The following CCNF variants were observed in gnomAD, a reference collection of about 807,000 sequenced individuals.
CCNF encodes the protein cyclin F, also known as cyclin-F.
In CCNF, 30 loss-of-function variants were observed where a neutral mutation model predicts 85.4. That is an observed-to-expected ratio of 0.35 (90% CI 0.26 to 0.48). The LOEUF (loss-of-function observed/expected upper bound fraction) is 0.48, where lower values mean the gene tolerates loss of function less well. CCNF is among the 20% of genes least tolerant of loss of function. The pLI, the probability that CCNF is intolerant of heterozygous loss-of-function variation, is 0.99. For synonymous variants in CCNF, 439 were observed against 425.1 expected, an observed-to-expected ratio of 1.03 and a Z score of -0.40; for missense variants, 919 against 1,010.4, an observed-to-expected ratio of 0.91 and a Z score of 1.23.
At chr16:2,443,125 T>C (rs1218594926) in intron 8 of CCNF, among the ~76,000 whole-genome samples, 1 of 133,702 alleles carries the variant, frequency 7.5e-6, no homozygotes, top group Admixed American at 9.0e-5. Context: ...TTACATATTA[T>C]ATATTATATG....
rs772080724 is a variant in CCNF at position 2,438,075 on chromosome 16, C to A, written c.546C>A (p.His182Gln). 1.4e-5 allele frequency: 22 copies of A among 1,610,432 alleles called. No individual in the cohort carries two copies. The African/African-American group carries it at 1.6e-4, about 12-fold the overall frequency. The change falls in exon 6 of 17, where the codon CAC (histidine) becomes CAA (glutamine). Residue 182 changes from histidine (H) to glutamine (Q), a missense_variant. His to Gln is a conservative substitution (Grantham distance 24). This residue lies in a region of CCNF where 410 missense variants were observed against 478.6 expected (regional missense o/e 0.86). Coordinates refer to ENST00000397066, the MANE Select transcript of CCNF (RefSeq NM_001761.3). ...LRAECQLQRT[H>Q]KASILHCLGR... ...TCTTTCTCCTTTTTTTAAAGACTCA[C>A]AAAGCATCCATATTGCACTGCTTGG...
chr16:2,433,877 G>A (rs1490122218), intron 3 of CCNF, among the ~76,000 whole-genome samples: 1 of 152,224 alleles, frequency 6.6e-6, no homozygotes, highest in Non-Finnish European at 1.5e-5. Flanking sequence ...GTCCATCTGA[G>A]TTGCCAGAAA....
At chr16:2,447,455 A>T (rs1436062941) in intron 10 of CCNF, among the ~76,000 whole-genome samples, 1 of 151,976 alleles carries the variant, frequency 6.6e-6, no homozygotes, top group African/African-American at 2.4e-5. Context: ...GTGGTGGTGC[A>T]TGCCTGTAAT....
chr16:2,455,263 C>T (rs1335005908), intron 15 of CCNF, 132 bp from the exon 16 acceptor site: 2 of 1,223,064 alleles, frequency 1.6e-6, no homozygotes, highest in Non-Finnish European at 1.1e-6. Flanking sequence ...CCGGCATCTT[C>T]TTCGTAGCAG....
chr16:2,442,258 C>T (rs1435472941), intron 8 of CCNF, among the ~76,000 whole-genome samples: 41 of 141,532 alleles, frequency 2.9e-4, no homozygotes, highest in South Asian at 4.3e-4. Context: ...CTGCCCGCCT[C>T]GGCCTCCTAA....
intron 5 of CCNF, 72 bp from the exon 6 acceptor site, chr16:2,437,998 C>T: frequency 9.7e-7 from 1 of 1,029,170 alleles, no homozygotes; most frequent in Non-Finnish European, 1.5e-6. Context: ...GACCCAAAGA[C>T]AGACAAGGGA....
intron 15 of CCNF, among the ~76,000 whole-genome samples, chr16:2,455,025 A>T (rs1455691774): frequency 7.1e-6 from 1 of 141,528 alleles, no homozygotes; most frequent in Non-Finnish European, 1.5e-5. Flanking sequence ...ACACCACTGC[A>T]CTCTAGCCTG....
intron 8 of CCNF, among the ~76,000 whole-genome samples, chr16:2,441,937 TTATATATATATATATATATA>T (rs55737759): frequency 0.024 from 1,469 of 60,158 alleles, 49 homozygotes; most frequent in African/African-American, 0.097. Flanking sequence ...TATTAGCAAA[TTATATATATATATATATATA>T]TATATATATA....
At chr16:2,450,282 C>T (rs551683861) in intron 13 of CCNF, among the ~76,000 whole-genome samples, 67 of 140,770 alleles carry the variant, frequency 4.8e-4, no homozygotes, top group African/African-American at 7.4e-4. Context: ...GGCGGATCAC[C>T]GAGGTCAGGA....
intron 9 of CCNF, among the ~76,000 whole-genome samples, chr16:2,444,590 A>G (rs1596923566): frequency 2.1e-5 from 3 of 141,334 alleles, no homozygotes; most frequent in East Asian, 2.1e-4. Flanking sequence ...GTGAGCCACC[A>G]CGCCCAGCCA....
intron 8 of CCNF, among the ~76,000 whole-genome samples, chr16:2,442,139 G>A (rs1267556445): frequency 6.9e-6 from 1 of 144,606 alleles, no homozygotes; most frequent in Non-Finnish European, 1.5e-5. Flanking sequence ...CCAAGTAGCT[G>A]GGACTACAGG....
Position 2,453,886 on chromosome 16 carries a change from C to T in CCNF, c.1715+349C>T, listed in dbSNP as rs150770898. Reference sequence around the variant, plus strand: ...TCTCTGCTCCATGATGCTGCTGTCACTCCCGGCACTCGAGCTGTGACCTGA... The same window carrying T: ...TCTCTGCTCCATGATGCTGCTGTCATTCCCGGCACTCGAGCTGTGACCTGA... On this transcript the variant is annotated intron_variant, in intron 15 of 16. Transcript: ENST00000397066. This position sits in a 1 kb window ranked among gnomAD's most constrained non-coding sequence, Gnocchi z 5.6. Among the ~76,000 whole-genome samples the T allele has an allele frequency of 6.6e-6, 1 of 152,340 alleles. No homozygotes were observed. Among genetic ancestry groups the T allele is most frequent in the Non-Finnish European group, 1.5e-5 (1 of 68,022 alleles).
chr16:2,438,133 G>A lies in CCNF; in HGVS notation c.594+10G>A, dbSNP rs770256445. On this transcript the variant is annotated intron_variant, in intron 6 of 16. Coordinates refer to ENST00000397066, the MANE Select transcript of CCNF (RefSeq NM_001761.3). ...GCTGAGTCTGTTCGAGGTGAGTCAA[G>A]TTGTTCTCTGCACTGGGACTTTGTG... The A allele has an allele frequency of 3.8e-6, 6 of 1,592,648 alleles. No homozygotes were observed. Among genetic ancestry groups the A allele is most frequent in the South Asian group, 1.1e-5 (1 of 90,614 alleles).
In CCNF at chr16:2,457,210, T is replaced by G; in HGVS notation, c.*190T>G. On this transcript the variant is annotated 3_prime_UTR_variant, in exon 17 of 17. Coordinates refer to ENST00000397066, the MANE Select transcript of CCNF (RefSeq NM_001761.3). ...AGCCATCAGAATGTTGAAATGAGGG[T>G]GAAGAGCTCAGATCCCTCTCTTTGG... The G allele has an allele frequency of 1.8e-6, 1 of 550,542 alleles. No homozygotes were observed. Among genetic ancestry groups the G allele is most frequent in the South Asian group, 2.5e-5 (1 of 39,574 alleles). The allele number at this position is 550,542 out of a possible 1,614,324, so 34.1% of individuals were successfully genotyped here. A position where few individuals can be genotyped will look rare whatever the true frequency, so the allele number is the denominator to read the frequency against.
At chr16:2,432,725 C>T (rs1339912033) in intron 2 of CCNF, among the ~76,000 whole-genome samples, 1 of 152,240 alleles carries the variant, frequency 6.6e-6, no homozygotes, top group Non-Finnish European at 1.5e-5. Flanking sequence ...TTTGTTTCCT[C>T]CTTCCCAGAT....
rs144671828 is a variant in CCNF at position 2,435,865 on chromosome 16, A to G, written c.338A>G (p.Asn113Ser). 2 of 1,613,118 alleles carry G rather than the reference A, an allele frequency of 1.2e-6. No individual in the cohort carries two copies. Among genetic ancestry groups the G allele is most frequent in the South Asian group, 2.2e-5 (2 of 91,006 alleles). Residue 113 changes from asparagine to serine, a missense_variant, in exon 4 of 17, where the codon AAT (asparagine) becomes AGT (serine). By Grantham distance (46) the Asn-to-Ser change is conservative (BLOSUM62 1). Transcript: ENST00000397066. ...AVKLGIAYLY[N>S]EGLSVSDEAR... The stretch of plus-strand genomic sequence containing the variant: ...AAGCTGGGCATAGCCTACCTCTACA[A>G]TGAAGGCCGTAAGTCCTCACCCCAC...
intron 15 of CCNF, among the ~76,000 whole-genome samples, chr16:2,455,156 G>C (rs111637411): frequency 6.6e-6 from 1 of 152,196 alleles, no homozygotes; most frequent in Non-Finnish European, 1.5e-5. Context: ...GCTGAGCCGG[G>C]TGGGCTGGGC....
At chr16:2,450,656 G>C (rs1344481808) in intron 13 of CCNF, among the ~76,000 whole-genome samples, 2 of 152,214 alleles carry the variant, frequency 1.3e-5, no homozygotes, top group Non-Finnish European at 2.9e-5. Context: ...TAACTTGTGC[G>C]TGTTGTCAAG....
rs1463027919 is a variant in CCNF at position 2,457,122 on chromosome 16, C to T, written c.*102C>T. 1.2e-5 allele frequency: 10 copies of T among 856,218 alleles called. No individual in the cohort carries two copies. The highest frequency in any genetic ancestry group is 3.0e-5 in the Admixed American group (1 of 32,980). 53.0% of individuals were successfully genotyped at this position (856,218 alleles called of 1,614,324 possible). On this transcript the variant is annotated 3_prime_UTR_variant, in exon 17 of 17. Transcript: ENST00000397066. The stretch of plus-strand genomic sequence containing the variant: ...GCTGCATAGACCATGGAGGCCTTTG[C>T]GCAGAGAGCAGAGAGGATGACTTGC...
Sources: gnomAD v4.1 joint callset for allele counts (sites outside exome capture counted in the v4.1 genomes callset) on GRCh38, gnomAD v4.1.1 for gene constraint, gnomAD v4.1.1 regional missense constraint, Gnocchi (gnomAD v3.1) non-coding constraint, MANE v1.5 for transcripts, NCBI Gene and HGNC (gene_info 2026-07-23, HGNC 2026-07-21) for gene names.